Variants in CREB5 observed in about 807,000 individuals in gnomAD.
CREB5 encodes the protein cAMP responsive element binding protein 5, also known as cyclic AMP-responsive element-binding protein 5.
Under a neutral mutation model 57.1 loss-of-function variants are expected in CREB5, and 19 were observed. That is an observed-to-expected ratio of 0.33 (90% CI 0.23 to 0.49). The LOEUF (loss-of-function observed/expected upper bound fraction) is 0.49, where lower values mean the gene tolerates loss of function less well. CREB5 is among the 20% of genes least tolerant of loss of function. The pLI is 0.99. For synonymous variants in CREB5, 238 were observed against 238.3 expected (o/e 1.00, Z 0.01); for missense variants, 579 against 671.6 (o/e 0.86, Z 1.52).
chr7:28,559,584 G>T (rs1212848835), intron 4 of CREB5, among the ~76,000 whole-genome samples: 1 of 152,162 alleles, frequency 6.6e-6, no homozygotes, highest in East Asian at 1.9e-4. Flanking sequence ...CAAAAAGCTG[G>T]GATTACAGGC....
intron 7 of CREB5, among the ~76,000 whole-genome samples, chr7:28,743,846 T>TTC (rs1554294500): frequency 1.4e-5 from 2 of 143,164 alleles, no homozygotes; most frequent in African/African-American, 2.6e-5. Flanking sequence ...TTCTTTTTTT[T>TTC]TTTTTTTTTT....
chr7:28,508,071 G>A (rs1025887185), intron 4 of CREB5, among the ~76,000 whole-genome samples: 3 of 152,206 alleles, frequency 2.0e-5, no homozygotes, highest in Non-Finnish European at 4.4e-5. Flanking sequence ...CTTCATGGTA[G>A]AAGAGGGGAT....
At chr7:28,652,092 A>G (rs77240491) in intron 5 of CREB5, among the ~76,000 whole-genome samples, 4,574 of 152,290 alleles carry the variant, frequency 0.03, 240 homozygotes, top group African/African-American at 0.1. Flanking sequence ...AATTTTGGCA[A>G]TGGAGTAATC....
chr7:28,623,073 G>C (rs1380546988), intron 5 of CREB5, among the ~76,000 whole-genome samples: 2 of 152,082 alleles, frequency 1.3e-5, no homozygotes, highest in Non-Finnish European at 2.9e-5. Context: ...AGTAGAGACA[G>C]GGTTTCACCA....
intron 7 of CREB5, among the ~76,000 whole-genome samples, chr7:28,763,807 ATTAT>A (rs1368788098): frequency 1.8e-5 from 2 of 113,434 alleles, no homozygotes; most frequent in African/African-American, 5.8e-5. Context: ...TATTATTATT[ATTAT>A]TTTTTTTTGA....
At position 28,824,393 on chromosome 7, in the gene CREB5, G is replaced by A; in HGVS notation, c.*5114G>A. ...CTTTTGTGCACCCTGGTGCACATCT[G>A]ACTGTTGTCCTAGCCATAGACTCTC... is the stretch of plus-strand genomic sequence containing the variant. On this transcript the variant is annotated 3_prime_UTR_variant, in exon 11 of 11. Transcript: ENST00000357727. The A allele has an allele frequency of 6.6e-6, 1 of 152,590 alleles. No homozygotes were observed. The highest frequency in any genetic ancestry group is 1.9e-4 in the East Asian group (1 of 5,178). 9.5% of individuals were successfully genotyped at this position (152,590 alleles called of 1,614,324 possible).
intron 5 of CREB5, among the ~76,000 whole-genome samples, chr7:28,660,213 GA>G (rs1040875042): frequency 2.7e-4 from 41 of 151,832 alleles, no homozygotes; most frequent in Admixed American, 1.9e-3. Context: ...TGTTTTTTAT[GA>G]AAAAAAAGTT....
intron 4 of CREB5, among the ~76,000 whole-genome samples, chr7:28,508,683 G>A (rs1792581033): frequency 6.6e-6 from 1 of 152,036 alleles, no homozygotes. Context: ...AATAGTCAAG[G>A]GCTTGTATTT....
At chr7:28,547,998 T>C (rs887440107) in intron 4 of CREB5, among the ~76,000 whole-genome samples, 1 of 152,218 alleles carries the variant, frequency 6.6e-6, no homozygotes, top group African/African-American at 2.4e-5. Context: ...AACTTGGGTC[T>C]TTTGCATCCC....
At chr7:28,409,811 G>T (rs995164658), upstream of CREB5, 6 of 448,930 alleles carry the variant, frequency 1.3e-5, no homozygotes, top group East Asian at 7.2e-5. This position sits in a 1 kb window ranked among gnomAD's most constrained non-coding sequence, Gnocchi z 4.4. Flanking sequence ...CGCCGAGTCC[G>T]CCCGGCGTGC....
chr7:28,322,189 CT>C (rs1461917913), intron 1 of CREB5, among the ~76,000 whole-genome samples: 1 of 152,114 alleles, frequency 6.6e-6, no homozygotes, highest in African/African-American at 2.4e-5. Context: ...GAAAAGGGTT[CT>C]GTGAGGAACA....
chr7:28,501,920 A>T (rs1379770864), intron 3 of CREB5, among the ~76,000 whole-genome samples: 1 of 152,188 alleles, frequency 6.6e-6, no homozygotes, highest in African/African-American at 2.4e-5. Flanking sequence ...AGGCACTTGG[A>T]AGAGCATCTA....
chr7:28,674,360 T>G (rs1434067139), intron 5 of CREB5, among the ~76,000 whole-genome samples: 1 of 152,208 alleles, frequency 6.6e-6, no homozygotes, highest in Admixed American at 6.5e-5. Context: ...ATGTGTACTT[T>G]GGAGTCATCT....
At position 28,798,760 on chromosome 7, in the gene CREB5, C is replaced by T. The variant is rs148276844; in HGVS notation, c.703-5439C>T. Among the ~76,000 whole-genome samples the T allele has an allele frequency of 3.7e-3, 568 of 152,262 alleles. 4 individuals carry two copies. The highest frequency in any genetic ancestry group is 0.013 in the African/African-American group (525 of 41,556). On this transcript the variant is annotated intron_variant, in intron 7 of 10. Coordinates refer to ENST00000357727, the MANE Select transcript of CREB5 (RefSeq NM_182898.4). ...AACATGGTAGAAGATGACAGAAAGT[C>T]GACAAGAATCATTTTTCTTTCTTTC...
chr7:28,642,977 C>CAT (rs1308905269), intron 5 of CREB5, among the ~76,000 whole-genome samples: 1,639 of 111,424 alleles, frequency 0.015, 42 homozygotes, highest in African/African-American at 0.047. Flanking sequence ...CACACACACA[C>CAT]ACACACACAT....
chr7:28,722,264 A>T (rs1261036924), intron 6 of CREB5, among the ~76,000 whole-genome samples: 1 of 152,206 alleles, frequency 6.6e-6, no homozygotes, highest in African/African-American at 2.4e-5. Flanking sequence ...TATAACTAGT[A>T]GCTTGGAAGG....
intron 5 of CREB5, among the ~76,000 whole-genome samples, chr7:28,591,412 A>G (rs1796511826): frequency 6.6e-6 from 1 of 151,976 alleles, no homozygotes; most frequent in African/African-American, 2.4e-5. Context: ...CTCGTGTTTT[A>G]TGGTGGTTTG....
chr7:28,498,806 C>A (rs1240714185), intron 3 of CREB5, among the ~76,000 whole-genome samples: 1 of 152,082 alleles, frequency 6.6e-6, no homozygotes, highest in African/African-American at 2.4e-5. Flanking sequence ...TTTATTTGGT[C>A]CACGTGATGC....
At chr7:28,387,117 G>T (rs1787123982) in intron 1 of CREB5, among the ~76,000 whole-genome samples, 1 of 152,094 alleles carries the variant, frequency 6.6e-6, no homozygotes, top group Non-Finnish European at 1.5e-5. Context: ...TGGGTCAAAT[G>T]GTATTTCTAC....
Sources: allele counts gnomAD v4.1 joint callset (sites outside exome capture counted in the v4.1 genomes callset), GRCh38; gene constraint gnomAD v4.1.1; non-coding constraint Gnocchi (gnomAD v3.1); transcripts MANE v1.5; gene names NCBI Gene and HGNC (gene_info 2026-07-23, HGNC 2026-07-21).